SERTAD4: variants seen among roughly 807,000 people sequenced by gnomAD.
SERTAD4 encodes SERTA domain-containing protein 4.
A neutral mutation model predicts 32.9 loss-of-function variants in SERTAD4; 18 were observed. The observed-to-expected ratio is 0.55, with a 90% CI of 0.38 to 0.81. The LOEUF is 0.81. Among genes scored for constraint, SERTAD4 ranks in the 30% least tolerant of loss-of-function variants. The pLI, the probability that SERTAD4 is intolerant of heterozygous loss-of-function variation, is 0.00. For missense variants in SERTAD4, 383 were observed against 426.0 expected (o/e 0.90, Z 0.89); for synonymous variants, 150 against 156.4 (o/e 0.96, Z 0.30).
intron 3 of SERTAD4, among the ~76,000 whole-genome samples, chr1:210,239,838 T>C (rs1365244780): frequency 6.6e-6 from 1 of 152,224 alleles, no homozygotes; most frequent in Non-Finnish European, 1.5e-5. Flanking sequence ...CAAAATTATG[T>C]AATCCAAGGA....
At chr1:210,234,145 G>C in intron 1 of SERTAD4, 1 of 248,200 alleles carries the variant, frequency 4.0e-6, no homozygotes, top group Non-Finnish European at 7.8e-6. Context: ...CGGCCGACCG[G>C]GCGCTGCTGG....
At chr1:210,241,427 C>T in intron 3 of SERTAD4, 131 bp from the exon 4 acceptor site, 1 of 931,966 alleles carries the variant, frequency 1.1e-6, no homozygotes, top group Non-Finnish European at 1.6e-6. Context: ...AACAAGACCA[C>T]AACATGCCCA....
At position 210,245,737 on chromosome 1, in the gene SERTAD4, C is replaced by A. The variant is rs41314246; in HGVS notation, c.*3400C>A. ...GTTAACTCCATCAAGACATGGCTAC[C>A]CACCCCTCCAGTTATGAACTTGTAT... On this transcript the variant is annotated 3_prime_UTR_variant, in exon 4 of 4. Coordinates refer to ENST00000367012, the MANE Select transcript of SERTAD4 (RefSeq NM_019605.5). The A allele has an allele frequency of 0.02, 18,539 of 915,046 alleles. 233 individuals are homozygous for A. The highest frequency in any genetic ancestry group is 0.041 in the South Asian group (806 of 19,870). The allele number at this position is 915,046 out of a possible 1,614,324, so 56.7% of individuals were successfully genotyped here.
At chr1:210,238,673 C>T (rs756554250) in intron 2 of SERTAD4, among the ~76,000 whole-genome samples, 13 of 152,116 alleles carry the variant, frequency 8.5e-5, no homozygotes, top group Non-Finnish European at 1.5e-4. Context: ...ACTTTTCAAA[C>T]ACAAAAAAAT....
At position 210,245,712 on chromosome 1, in the gene SERTAD4, G is replaced by A. The variant is rs2084042339; in HGVS notation, c.*3375G>A. The A allele has an allele frequency of 1.6e-6, 1 of 627,740 alleles. No homozygotes were observed. Among genetic ancestry groups the A allele is most frequent in the Non-Finnish European group, 2.0e-6 (1 of 503,422 alleles). The allele number at this position is 627,740 out of a possible 1,614,324, so 38.9% of individuals were successfully genotyped here. ...AAAGTATTTATTTTTAGAGCTCATA[G>A]TTAACTCCATCAAGACATGGCTACC... is the stretch of plus-strand genomic sequence containing the variant. On this transcript the variant is annotated 3_prime_UTR_variant, in exon 4 of 4. Transcript: ENST00000367012.
intron 1 of SERTAD4, chr1:210,234,052 G>A (rs1177926691): frequency 9.8e-6 from 3 of 305,136 alleles, no homozygotes; most frequent in African/African-American, 2.4e-5. Context: ...TTCAGAAGAG[G>A]CACACGGCTG....
chr1:210,233,491 A>T, intron 1 of SERTAD4: 1 of 348,470 alleles, frequency 2.9e-6, no homozygotes, highest in South Asian at 2.1e-5. Context: ...GGGATTGTGG[A>T]TGTCAGGAGC....
intron 3 of SERTAD4, among the ~76,000 whole-genome samples, chr1:210,240,024 A>G (rs1234590722): frequency 6.6e-6 from 1 of 152,198 alleles, no homozygotes; most frequent in Non-Finnish European, 1.5e-5. Context: ...GTGGTTACAC[A>G]GGGCTTTTCC....
At position 210,244,091 on chromosome 1, in the gene SERTAD4, TAAA is replaced by T. The variant is rs928563158; in HGVS notation, c.*1757_*1759del. On this transcript the variant is annotated 3_prime_UTR_variant, in exon 4 of 4. Transcript: ENST00000367012. ...TCTTGATATATATTTATTAAGATGA[TAAA>T]AATTCATTAAGTTTTTTAAATTTTA... The T allele has an allele frequency of 1.3e-5, 2 of 152,210 alleles. No individual in the cohort carries two copies. The highest frequency in any genetic ancestry group is 2.4e-5 in the African/African-American group (1 of 41,464). The allele number at this position is 152,210 out of a possible 1,614,324, so 9.4% of individuals were successfully genotyped here. A position where few individuals can be genotyped will look rare whatever the true frequency, so the allele number is the denominator to read the frequency against.
At chr1:210,235,341 A>T (rs932545845) in intron 1 of SERTAD4, among the ~76,000 whole-genome samples, 1 of 152,210 alleles carries the variant, frequency 6.6e-6, no homozygotes, top group African/African-American at 2.4e-5. Flanking sequence ...TTTCGTGAAC[A>T]TTCAACTTGC....
At chr1:210,233,409 G>A (rs952081951) in intron 1 of SERTAD4, among the ~76,000 whole-genome samples, 21 of 152,334 alleles carry the variant, frequency 1.4e-4, no homozygotes, top group Non-Finnish European at 2.9e-4. Flanking sequence ...GTCCCTCATC[G>A]TAGGGGAAGG....
chr1:210,241,308 C>T (rs1321804494), intron 3 of SERTAD4, among the ~76,000 whole-genome samples: 1 of 152,110 alleles, frequency 6.6e-6, no homozygotes, highest in Non-Finnish European at 1.5e-5. Flanking sequence ...GCTCGATTCC[C>T]TAGTGCTTGA....
chr1:210,235,696 AAG>A (rs2083934378), intron 1 of SERTAD4, among the ~76,000 whole-genome samples: 1 of 152,238 alleles, frequency 6.6e-6, no homozygotes, highest in South Asian at 2.1e-4. Context: ...TACTACCAAA[AAG>A]TTATTAAAAT....
At chr1:210,239,402 A>G in intron 2 of SERTAD4, 91 bp from the exon 3 acceptor site, 1 of 762,814 alleles carries the variant, frequency 1.3e-6, no homozygotes, top group Non-Finnish European at 2.3e-6. Context: ...TAGCCAAGTT[A>G]TCCTCTAGAA....
intron 3 of SERTAD4, 24 bp from the exon 4 acceptor site, chr1:210,241,530 TTTTC>T (rs1306974194): frequency 6.6e-7 from 1 of 1,508,160 alleles, no homozygotes; most frequent in Admixed American, 2.3e-5. Flanking sequence ...CTGTTTGTTT[TTTTC>T]TTTTTTTTTT....
chr1:210,241,075 T>TCATGGTTAGTTACATACC (rs11272619), intron 3 of SERTAD4, among the ~76,000 whole-genome samples: 79,249 of 151,574 alleles, frequency 0.52, 22,022 homozygotes, highest in East Asian at 0.74. Context: ...TTTCATGAGG[T>TCATGGTTAGTTACATACC]CATGTAACTA....
chr1:210,235,295 G>A (rs1020989494), intron 1 of SERTAD4, among the ~76,000 whole-genome samples: 2 of 152,066 alleles, frequency 1.3e-5, no homozygotes, highest in African/African-American at 4.8e-5. Context: ...AAAGATTCAC[G>A]TTAAGCATTT....
intron 3 of SERTAD4, among the ~76,000 whole-genome samples, chr1:210,240,360 A>G (rs890957591): frequency 3.9e-5 from 6 of 152,164 alleles, no homozygotes; most frequent in African/African-American, 1.4e-4. Flanking sequence ...AGGATTTTCA[A>G]TTCTTCTTCC....
In SERTAD4 at chr1:210,242,226, C is replaced by G; in HGVS notation, c.960C>G (p.Thr320=). 6.2e-7 allele frequency: 1 copy of G among 1,614,014 alleles called. No individual in the cohort carries two copies. The highest frequency in any genetic ancestry group is 8.5e-7 in the Non-Finnish European group (1 of 1,180,020). Residue 320 remains threonine (T), a synonymous_variant, in exon 4 of 4, where the codon ACC becomes ACG. Transcript: ENST00000367012. This position sits in a 1 kb window ranked among gnomAD's most constrained non-coding sequence, Gnocchi z 4.0. The part of the protein sequence containing the change: ...CKGQFYDYFE[T]GYNERNNVNE... ...GCCAATTTTATGATTATTTTGAGAC[C>G]GGATATAATGAAAGAAACAATGTAA...
Sources: allele counts gnomAD v4.1 joint callset (sites outside exome capture counted in the v4.1 genomes callset), GRCh38; gene constraint gnomAD v4.1.1; non-coding constraint Gnocchi (gnomAD v3.1); transcripts MANE v1.5; gene names NCBI Gene and HGNC (gene_info 2026-07-23, HGNC 2026-07-21).